Variants in PPP1R36 observed in about 807,000 individuals in gnomAD.
The protein encoded by PPP1R36 is chromosome 14 open reading frame 50.
Under a neutral mutation model 53.4 loss-of-function variants are expected in PPP1R36, and 47 were observed. The observed-to-expected ratio is 0.88, with a 90% confidence interval of 0.70 to 1.12. PPP1R36 has a LOEUF of 1.12. Ranked by LOEUF, PPP1R36 falls within the 50% of genes most tolerant of loss-of-function variation. PPP1R36 has a pLI of 0.00. For synonymous variants in PPP1R36, 153 were observed against 170.5 expected, an observed-to-expected ratio of 0.90 and a Z score of 0.80; for missense variants, 456 against 513.9, an observed-to-expected ratio of 0.89 and a Z score of 1.09.
chr14:64,565,358 TTGAC>T lies in PPP1R36; in HGVS notation c.272_275del (p.Leu91Ter). ...AGAAACTGTTATATTCCAAAACAGG[TTGAC>T]AGATAAAAGACTTGCTGCAAAAGAT... On this transcript the variant is annotated frameshift_variant and splice_region_variant, in exon 5 of 12. Transcript: ENST00000298705. LOFTEE classifies it high-confidence loss of function. 1 of 1,609,402 alleles carries T rather than the reference TTGAC, an allele frequency of 6.2e-7. No individual in the cohort carries two copies. The highest frequency in any genetic ancestry group is 8.5e-7 in the Non-Finnish European group (1 of 1,176,852).
chr14:64,585,972 C>G (rs2080430231), intron 8 of PPP1R36: 1 of 152,284 alleles, frequency 6.6e-6, no homozygotes, highest in Non-Finnish European at 1.5e-5. Flanking sequence ...TGGAGTCTTG[C>G]TCTGTTGCCC....
intron 11 of PPP1R36, chr14:64,588,653 C>T (rs575476808): frequency 1.5e-4 from 30 of 198,536 alleles, no homozygotes; most frequent in Non-Finnish European, 2.4e-4. Context: ...CTCTGCCTCC[C>T]GAGTTTAAGT....
At chr14:64,561,703 C>T (rs2080206679) in intron 3 of PPP1R36, 1 of 449,466 alleles carries the variant, frequency 2.2e-6, no homozygotes, top group Non-Finnish European at 4.5e-6. Flanking sequence ...AATACCTTTA[C>T]TCACAGGCAT....
chr14:64,581,659 T>TG (rs1335694431), intron 8 of PPP1R36, among the ~76,000 whole-genome samples: 1 of 148,472 alleles, frequency 6.7e-6, no homozygotes, highest in Non-Finnish European at 1.5e-5. Context: ...TCCCTAAGTG[T>TG]GGGGGGTGGT....
Position 64,588,285 on chromosome 14 carries a change from C to T in PPP1R36, c.1072C>T (p.Pro358Ser), listed in dbSNP as rs753137911. ...GCATGTGGGAACTCTGGACTCTGTG[C>T]CCATGCCGGTGTAAGTGGCTTGGCA... is the stretch of plus-strand genomic sequence containing the variant. ...QKHVGTLDSV[P>S]MPVVGILGEP... The change falls in exon 11 of 12, where the codon CCC (proline) becomes TCC (serine). Residue 358 changes from proline to serine, a missense_variant. Coordinates refer to ENST00000298705, the MANE Select transcript of PPP1R36 (RefSeq NM_172365.3). 33 of 1,605,806 alleles carry T rather than the reference C, an allele frequency of 2.1e-5. 1 individual carries two copies. In the East Asian group the frequency reaches 7.4e-4, roughly 36 times the overall value.
Position 64,568,394 on chromosome 14 carries a change from A to G in PPP1R36, c.480A>G (p.Leu160=). The change falls in exon 7 of 12, where the codon TTA becomes TTG. Residue 160 remains leucine (L), a synonymous_variant. Transcript: ENST00000298705. ...DNFLMALLYY[L]SHYLEKNSLE... ...TCCTCATGGCATTATTGTACTACTTATCCCATTACTTGGAAAAAAACTCAC... is the reference window on the plus strand; with the variant it reads ...TCCTCATGGCATTATTGTACTACTTGTCCCATTACTTGGAAAAAAACTCAC... 6.4e-7 allele frequency: 1 copy of G among 1,570,566 alleles called. No homozygotes were observed. The highest frequency in any genetic ancestry group is 8.7e-7 in the Non-Finnish European group (1 of 1,152,826).
chr14:64,566,508 CA>C (rs933043411), intron 6 of PPP1R36, among the ~76,000 whole-genome samples: 1 of 151,846 alleles, frequency 6.6e-6, no homozygotes, highest in African/African-American at 2.4e-5. Context: ...TTATGTTTGG[CA>C]GCCCCAGGAT....
intron 2 of PPP1R36, 171 bp from the exon 3 acceptor site, chr14:64,552,643 A>G: frequency 1.7e-6 from 1 of 578,936 alleles, no homozygotes. Flanking sequence ...CTAGATGTTT[A>G]TAGTTACATT....
chr14:64,577,718 CTTTTTT>C (rs10667127), intron 8 of PPP1R36, among the ~76,000 whole-genome samples: 5 of 94,446 alleles, frequency 5.3e-5, no homozygotes, highest in East Asian at 6.6e-4. Flanking sequence ...GCCATGATTA[CTTTTTT>C]TTTTTTTTTT....
chr14:64,560,036 G>C (rs1234597004), intron 3 of PPP1R36, among the ~76,000 whole-genome samples: 1 of 148,748 alleles, frequency 6.7e-6, no homozygotes, highest in African/African-American at 2.5e-5. Context: ...CCCAGGAGGC[G>C]GAGGTTGCAG....
chr14:64,569,177 A>C (rs750033581), intron 7 of PPP1R36, among the ~76,000 whole-genome samples: 20 of 152,230 alleles, frequency 1.3e-4, no homozygotes, highest in Non-Finnish European at 2.6e-4. Context: ...CACCAGGGCA[A>C]GAATCTGGGA....
At chr14:64,564,701 GT>G in intron 3 of PPP1R36, 49 bp from the exon 4 acceptor site, 1 of 1,286,312 alleles carries the variant, frequency 7.8e-7, no homozygotes, top group Non-Finnish European at 1.1e-6. Context: ...GATTTGACTT[GT>G]TTTCCCCTGG....
intron 11 of PPP1R36, 138 bp downstream of exon 11, chr14:64,588,433 C>T: frequency 1.5e-6 from 1 of 659,380 alleles, no homozygotes; most frequent in Non-Finnish European, 2.5e-6. Context: ...TACTTCTGCC[C>T]TGCTCCCCTC....
rs184736759 is a variant in PPP1R36 at position 64,568,021 on chromosome 14, T to G, written c.435-328T>G. On this transcript the variant is annotated intron_variant, in intron 6 of 11. Coordinates refer to ENST00000298705, the MANE Select transcript of PPP1R36 (RefSeq NM_172365.3). ...GGTGACAGAGGTAGGAGGAGAGAAT[T>G]TTTACTTGATACATTTCTCTACATT... is the stretch of plus-strand genomic sequence containing the variant. Among the ~76,000 whole-genome samples, 9 of 152,270 alleles carry G rather than the reference T, an allele frequency of 5.9e-5. No individual in the cohort carries two copies. In the East Asian group the frequency reaches 1.7e-3, roughly 29 times the overall value.
At chr14:64,563,513 G>A (rs2080224078) in intron 3 of PPP1R36, among the ~76,000 whole-genome samples, 1 of 151,608 alleles carries the variant, frequency 6.6e-6, no homozygotes, top group Non-Finnish European at 1.5e-5. Flanking sequence ...ATTCCCTTGA[G>A]GTAATATTAT....
chr14:64,572,247 C>T (rs2080309151), intron 7 of PPP1R36, among the ~76,000 whole-genome samples: 1 of 151,850 alleles, frequency 6.6e-6, no homozygotes, highest in South Asian at 2.1e-4. Context: ...CAGTTTTTTT[C>T]CCCAAAGGAT....
rs549390970 is a variant in PPP1R36 at position 64,579,709 on chromosome 14, G to A, written c.668+5120G>A. Among the ~76,000 whole-genome samples the A allele has an allele frequency of 1.2e-3, 186 of 152,310 alleles. 2 individuals are homozygous for A. The highest frequency in any genetic ancestry group is 0.012 in the Admixed American group (184 of 15,300). ...TCTTGGGCCAGGCGCGGTGGCTCAC[G>A]CCTGTAATCCCAGCACTTTGGGAGG... On this transcript the variant is annotated intron_variant, in intron 8 of 11. Transcript: ENST00000298705.
chr14:64,556,258 G>A (rs895680024), intron 3 of PPP1R36, among the ~76,000 whole-genome samples: 7 of 150,152 alleles, frequency 4.7e-5, no homozygotes, highest in Middle Eastern at 3.4e-3. Context: ...AGATGCCACC[G>A]CGTCTGGCTA....
chr14:64,574,687 C>G, intron 8 of PPP1R36, 98 bp downstream of exon 8: 1 of 1,329,888 alleles, frequency 7.5e-7, no homozygotes, highest in Non-Finnish European at 1.0e-6. Context: ...AGAAAATGTT[C>G]CTTTTTCTGT....
Sources: gnomAD v4.1 joint callset for allele counts (sites outside exome capture counted in the v4.1 genomes callset) on GRCh38, gnomAD v4.1.1 for gene constraint, MANE v1.5 for transcripts, NCBI Gene and HGNC (gene_info 2026-07-23, HGNC 2026-07-21) for gene names.